AXL: variants seen among roughly 807,000 people sequenced by gnomAD.
The protein encoded by AXL is tyrosine-protein kinase receptor UFO.
A neutral mutation model predicts 104.5 loss-of-function variants in AXL; 52 were observed. That is an observed-to-expected ratio of 0.50 (90% confidence interval 0.40 to 0.63). AXL has a LOEUF of 0.63. Among genes scored for constraint, AXL ranks in the 20% least tolerant of loss-of-function variants. The pLI is 0.00. For missense variants in AXL, 1,024 were observed against 1,188.5 expected, an observed-to-expected ratio of 0.86 and a Z score of 2.04; for synonymous variants, 455 against 473.7, an observed-to-expected ratio of 0.96 and a Z score of 0.51.
rs145805143 is a variant in AXL, at chr19:41,259,656, G to A, written c.2437G>A (p.Ala813Thr). Residue 813 changes from alanine to threonine, a missense_variant, in exon 20 of 20, where the codon GCC becomes ACC. By Grantham distance (58) the Ala-to-Thr change is moderately conservative (BLOSUM62 0). Transcript: ENST00000301178. ...GAACACACTGAAGGCCTTGCCTCCT[G>A]CCCAGGAGCCTGACGAAATCCTCTA... ...LENTLKALPP[A>T]QEPDEILYVN... 3.1e-6 allele frequency: 5 copies of A among 1,613,944 alleles called. No homozygotes were observed. Among genetic ancestry groups the A allele is most frequent in the Non-Finnish European group, 4.2e-6 (5 of 1,180,018 alleles).
chr19:41,249,383 C>T lies in AXL; in HGVS notation c.1711+563C>T, dbSNP rs116601322. ...GGTGGGAGAATCACTTGAGTCTGTGCGGCAGAGGTTGCAGTCAGCTATGAT... is the reference window on the plus strand; with the variant it reads ...GGTGGGAGAATCACTTGAGTCTGTGTGGCAGAGGTTGCAGTCAGCTATGAT... On this transcript the variant is annotated intron_variant, in intron 14 of 19. Transcript: ENST00000301178. Among the ~76,000 whole-genome samples the T allele has an allele frequency of 4.0e-3, 609 of 152,126 alleles. 6 individuals are homozygous for T. Among genetic ancestry groups the T allele is most frequent in the African/African-American group, 0.014 (571 of 41,496 alleles).
chr19:41,256,643 A>G (rs1430062851), intron 18 of AXL, 32 bp downstream of exon 18: 3 of 1,606,878 alleles, frequency 1.9e-6, no homozygotes, highest in Non-Finnish European at 2.6e-6. Flanking sequence ...GTGGGGAACC[A>G]TGGGAGGGCA....
At chr19:41,242,307 G>T in intron 10 of AXL, among the ~76,000 whole-genome samples, 1 of 145,392 alleles carries the variant, frequency 6.9e-6, no homozygotes, top group Non-Finnish European at 1.5e-5. Flanking sequence ...GAACTATCCT[G>T]GCACTCTCTT....
rs1212141641 is a variant in AXL at position 41,222,018 on chromosome 19, C to T, written c.548C>T (p.Ala183Val). Reference protein sequence around the residue: ...WLQDAVPLATAPGHGPQRSLH... With the variant: ...WLQDAVPLATVPGHGPQRSLH... ...CAGGATGCTGTCCCCCTGGCCACGG[C>T]TCCAGGTCACGGCCCCCAGCGCAGC... is the stretch of plus-strand genomic sequence containing the variant. The change falls in exon 4 of 20, where the codon GCT (alanine) becomes GTT (valine). Residue 183 changes from alanine (A) to valine (V), a missense_variant. By Grantham distance (64) the Ala-to-Val change is moderately conservative (BLOSUM62 0). Transcript: ENST00000301178. The T allele has an allele frequency of 5.0e-6, 8 of 1,600,326 alleles. No homozygotes were observed. The highest frequency in any genetic ancestry group is 1.3e-5 in the African/African-American group (1 of 74,532).
chr19:41,260,978 T>C lies in AXL; in HGVS notation c.*1074T>C, dbSNP rs2034531837. On this transcript the variant is annotated 3_prime_UTR_variant, in exon 20 of 20. Coordinates refer to ENST00000301178, the MANE Select transcript of AXL (RefSeq NM_021913.5). ...ATGATCAATTATAGTTTCTGAGGCT[T>C]TATGATAATAGATTCTCTTGTATAA... 6.6e-6 allele frequency: 1 copy of C among 152,186 alleles called. No individual in the cohort carries two copies. The highest frequency in any genetic ancestry group is 2.4e-5 in the African/African-American group (1 of 41,452). 9.4% of individuals were successfully genotyped at this position (152,186 alleles called of 1,614,324 possible). A position where few individuals can be genotyped will look rare whatever the true frequency, so the allele number is the denominator to read the frequency against.
chr19:41,248,625 G>T lies in AXL; in HGVS notation c.1633+16G>T. On this transcript the variant is annotated intron_variant, in intron 13 of 19. Coordinates refer to ENST00000301178, the MANE Select transcript of AXL (RefSeq NM_021913.5). Reference sequence around the variant, plus strand: ...CTGGGAGAGGGTGAGTCCCCCGGCAGCATACACACATCCTTCTGAACTTCT... The same window carrying T: ...CTGGGAGAGGGTGAGTCCCCCGGCATCATACACACATCCTTCTGAACTTCT... 1 of 1,613,500 alleles carries T rather than the reference G, an allele frequency of 6.2e-7. No individual in the cohort carries two copies. The highest frequency in any genetic ancestry group is 8.5e-7 in the Non-Finnish European group (1 of 1,179,514).
chr19:41,223,753 G>C (rs1291371079), intron 4 of AXL, among the ~76,000 whole-genome samples: 2 of 152,054 alleles, frequency 1.3e-5, no homozygotes, highest in Admixed American at 6.6e-5. Context: ...GTTGGGGATC[G>C]GGCATGAGTC....
chr19:41,222,077 C>A, intron 4 of AXL, 21 bp downstream of exon 4: 1 of 1,516,848 alleles, frequency 6.6e-7, no homozygotes, highest in South Asian at 1.3e-5. Flanking sequence ...GGATGTGGGT[C>A]AGCTCCGAAT....
Position 41,222,004 on chromosome 19 carries a change from C to T in AXL, c.534C>T (p.Val178=), listed in dbSNP as rs1002465671. The change falls in exon 4 of 20, where the codon GTC becomes GTT. Residue 178 remains valine, a synonymous_variant. Coordinates refer to ENST00000301178, the MANE Select transcript of AXL (RefSeq NM_021913.5). ...PVDLLWLQDA[V]PLATAPGHGP... is the part of the protein sequence containing the mutation. ...ACCTACTCTGGCTCCAGGATGCTGT[C>T]CCCCTGGCCACGGCTCCAGGTCACG... 3.1e-6 allele frequency: 5 copies of T among 1,606,766 alleles called. 1 individual carries two copies. In the South Asian group the frequency reaches 3.3e-5, roughly 11 times the overall value.
At chr19:41,253,748 T>A (rs1425578661) in intron 17 of AXL, 40 bp downstream of exon 17, 1 of 1,470,822 alleles carries the variant, frequency 6.8e-7, no homozygotes, top group Non-Finnish European at 9.4e-7. Flanking sequence ...CAACTGCTCC[T>A]GCACTCCCTG....
chr19:41,253,727 C>T lies in AXL; in HGVS notation c.2036+19C>T, dbSNP rs754357485. 8 of 68,614 alleles carry T rather than the reference C, an allele frequency of 1.2e-4. No homozygotes were observed. The highest frequency in any genetic ancestry group is 1.7e-4 in the Non-Finnish European group (6 of 35,904). The allele number at this position is 68,614 out of a possible 1,614,324, so 4.3% of individuals were successfully genotyped here. On this transcript the variant is annotated intron_variant, in intron 17 of 19. Coordinates refer to ENST00000301178, the MANE Select transcript of AXL (RefSeq NM_021913.5). ...ACTGCATGTGAGTGCCTTTCAGGGA[C>T]CCCCCCCCCCCAACTGCTCCTGCAC...
chr19:41,229,095 G>C (rs1405973468), intron 4 of AXL, among the ~76,000 whole-genome samples: 13 of 151,368 alleles, frequency 8.6e-5, no homozygotes, highest in Admixed American at 8.6e-4. Flanking sequence ...GATTAAAGGG[G>C]CCTGCCACTA....
chr19:41,235,675 G>A (rs1348548686), intron 6 of AXL, among the ~76,000 whole-genome samples: 1 of 152,150 alleles, frequency 6.6e-6, no homozygotes, highest in African/African-American at 2.4e-5. Flanking sequence ...AGACTCTGGG[G>A]ACAGGATGGG....
At chr19:41,242,178 T>G (rs1478658673) in intron 10 of AXL, among the ~76,000 whole-genome samples, 1 of 152,218 alleles carries the variant, frequency 6.6e-6, no homozygotes, top group Middle Eastern at 3.4e-3. Flanking sequence ...TCCACTCTTC[T>G]GTTTTTTTGG....
At chr19:41,257,990 C>T (rs966576503) in intron 19 of AXL, among the ~76,000 whole-genome samples, 15 of 152,252 alleles carry the variant, frequency 9.9e-5, no homozygotes, top group Non-Finnish European at 2.2e-4. Context: ...CACCATGCTT[C>T]CCCGACATGC....
chr19:41,251,851 C>T (rs543909108), intron 14 of AXL, among the ~76,000 whole-genome samples: 3 of 152,066 alleles, frequency 2.0e-5, no homozygotes, highest in African/African-American at 7.2e-5. Flanking sequence ...CAGTGGCTGA[C>T]GCCTGTAATC....
At chr19:41,230,321 A>ATG (rs368082123) in intron 4 of AXL, among the ~76,000 whole-genome samples, 6,553 of 136,612 alleles carry the variant, frequency 0.048, 489 homozygotes, top group African/African-American at 0.17. Context: ...GGGTGTAAGA[A>ATG]TGTGTGTGTG....
chr19:41,256,153 G>C (rs1229729708), intron 17 of AXL, among the ~76,000 whole-genome samples: 2 of 151,976 alleles, frequency 1.3e-5, no homozygotes, highest in African/African-American at 4.8e-5. Flanking sequence ...CATATGTACA[G>C]TATACTTCAA....
chr19:41,256,623 C>G lies in AXL; in HGVS notation c.2196+12C>G. The G allele has an allele frequency of 6.2e-7, 1 of 1,610,516 alleles. No homozygotes were observed. The highest frequency in any genetic ancestry group is 8.5e-7 in the Non-Finnish European group (1 of 1,176,888). On this transcript the variant is annotated intron_variant, in intron 18 of 19. Coordinates refer to ENST00000301178, the MANE Select transcript of AXL (RefSeq NM_021913.5). ...GCAAGAGCGATGTGGTAGGTGCACTCCCGCCAAGAGTGGGGAACCATGGGA... is the reference window on the plus strand; with the variant it reads ...GCAAGAGCGATGTGGTAGGTGCACTGCCGCCAAGAGTGGGGAACCATGGGA...
Sources: gnomAD v4.1 joint callset for allele counts (sites outside exome capture counted in the v4.1 genomes callset) on GRCh38, gnomAD v4.1.1 for gene constraint, MANE v1.5 for transcripts, NCBI Gene and HGNC (gene_info 2026-07-23, HGNC 2026-07-21) for gene names.